HMX1: variants seen among roughly 807,000 people sequenced by gnomAD.
HMX1 encodes the protein homeobox protein HMX1.
Under a neutral mutation model 8.9 loss-of-function variants are expected in HMX1, and 8 were observed. The ratio of observed to expected loss-of-function variants is 0.90; its 90% CI spans 0.53 to 1.63. The LOEUF (loss-of-function observed/expected upper bound fraction) is 1.63, where lower values mean the gene tolerates loss of function less well. Among genes scored for constraint, HMX1 ranks in the 40% most tolerant of loss-of-function variants. HMX1 has a pLI of 0.00. For synonymous variants in HMX1, 311 were observed against 283.4 expected, an observed-to-expected ratio of 1.10 and a Z score of -0.98; for missense variants, 621 against 558.5, an observed-to-expected ratio of 1.11 and a Z score of -1.13.
chr4:8,851,527 G>A (rs1466189603), intron 1 of HMX1, among the ~76,000 whole-genome samples: 1 of 152,160 alleles, frequency 6.6e-6, no homozygotes, highest in East Asian at 1.9e-4. Context: ...GCCATCCAAG[G>A]GCCCTCTGTA....
rs1317011875 is a variant in HMX1 at position 8,868,361 on chromosome 4, G to A, written c.395-16C>T. On this transcript the variant is annotated splice_polypyrimidine_tract_variant and intron_variant, in intron 1 of 1. Transcript: ENST00000400677. The surrounding 1 kb of genome is among the most constrained non-coding windows in gnomAD (Gnocchi z 4.6). ...CGGTCGCTGGCTGCAGGGGAGAGAGGGCACCACCGTTGGTTCTAGGGCACT... is the reference window on the plus strand; with the variant it reads ...CGGTCGCTGGCTGCAGGGGAGAGAGAGCACCACCGTTGGTTCTAGGGCACT... 2.9e-6 allele frequency: 4 copies of A among 1,356,072 alleles called. No individual in the cohort carries two copies. The highest frequency in any genetic ancestry group is 3.1e-5 in the African/African-American group (2 of 65,150). 84.0% of individuals were successfully genotyped at this position (1,356,072 alleles called of 1,614,324 possible). A position where few individuals can be genotyped will look rare whatever the true frequency, so the allele number is the denominator to read the frequency against.
At chr4:8,863,520 C>T (rs963441905), downstream of HMX1, among the ~76,000 whole-genome samples, 1 of 152,232 alleles carries the variant, frequency 6.6e-6, no homozygotes, top group African/African-American at 2.4e-5. Context: ...GGGCACCCCT[C>T]CCCTGCACCT....
intron 1 of HMX1, among the ~76,000 whole-genome samples, chr4:8,854,420 G>A (rs1721547181): frequency 6.6e-6 from 1 of 152,260 alleles, no homozygotes; most frequent in Non-Finnish European, 1.5e-5. Flanking sequence ...GGACACTCCT[G>A]TGTGTTTATG....
chr4:8,871,116 G>A lies in HMX1; in HGVS notation c.394+105C>T, dbSNP rs1251826785. On this transcript the variant is annotated intron_variant, in intron 1 of 1. Coordinates refer to ENST00000400677, the MANE Select transcript of HMX1 (RefSeq NM_018942.3). The surrounding 1 kb of genome is among the most constrained non-coding windows in gnomAD (Gnocchi z 4.8). ...CAGACGCCGTTCCACAGAAGGGAGA[G>A]GATGGCCCAGAACGGGCGGCGACGA... 4.3e-6 allele frequency: 5 copies of A among 1,160,472 alleles called. No individual in the cohort carries two copies. The highest frequency in any genetic ancestry group is 9.0e-5 in the Admixed American group (2 of 22,284). 71.9% of individuals were successfully genotyped at this position (1,160,472 alleles called of 1,614,324 possible).
At chr4:8,857,093 A>C (rs1463849829) in intron 1 of HMX1, among the ~76,000 whole-genome samples, 1 of 152,216 alleles carries the variant, frequency 6.6e-6, no homozygotes, top group Non-Finnish European at 1.5e-5. Flanking sequence ...TAACAAACCG[A>C]AACTCTGGCT....
intron 1 of HMX1, among the ~76,000 whole-genome samples, chr4:8,854,706 A>G (rs187802168): frequency 3.9e-5 from 6 of 152,302 alleles, no homozygotes; most frequent in Admixed American, 2.0e-4. Context: ...CTCTCTGTCT[A>G]TCTAACTATT....
chr4:8,863,070 C>T (rs957272916), downstream of HMX1, among the ~76,000 whole-genome samples: 5 of 152,046 alleles, frequency 3.3e-5, no homozygotes, highest in Non-Finnish European at 7.4e-5. Flanking sequence ...CACTTCCCAG[C>T]GGGACCCTGG....
At chr4:8,865,861 A>G (rs1227607437), downstream of HMX1, among the ~76,000 whole-genome samples, 1 of 152,232 alleles carries the variant, frequency 6.6e-6, no homozygotes, top group Non-Finnish European at 1.5e-5. Context: ...CGCAGCCCCA[A>G]AGCAGCGAGG....
rs530886836 is a variant in HMX1 at position 8,853,442 on chromosome 4, T to C, written c.395-7118A>G. Among the ~76,000 whole-genome samples the C allele has an allele frequency of 1.7e-4, 26 of 152,310 alleles. No individual in the cohort carries two copies. The highest frequency in any genetic ancestry group is 5.8e-4 in the African/African-American group (24 of 41,560). Reference sequence around the variant, plus strand: ...ATGTTGCCCGCTGCACATCTCATGCTCACTGGTCAGAACCACATCATGTGA... The same window carrying C: ...ATGTTGCCCGCTGCACATCTCATGCCCACTGGTCAGAACCACATCATGTGA... On this transcript the variant is annotated intron_variant, in intron 1 of 1. Coordinates refer to the HMX1 transcript ENST00000506970. The surrounding 1 kb of genome is among the most constrained non-coding windows in gnomAD (Gnocchi z 4.7).
rs1332685222 is a variant in HMX1, at chr4:8,867,374, G to A, written c.*319C>T. The A allele has an allele frequency of 2.9e-6, 3 of 1,041,170 alleles. No homozygotes were observed. The highest frequency in any genetic ancestry group is 3.5e-6 in the Non-Finnish European group (3 of 866,982). 64.5% of individuals were successfully genotyped at this position (1,041,170 alleles called of 1,614,324 possible). A position where few individuals can be genotyped will look rare whatever the true frequency, so the allele number is the denominator to read the frequency against. On this transcript the variant is annotated 3_prime_UTR_variant, in exon 2 of 2. Coordinates refer to ENST00000400677, the MANE Select transcript of HMX1 (RefSeq NM_018942.3). ...CTTGGCCTGAGGGCAGCTGCCCCGG[G>A]TGGCCATGGCCGACCGCTCCTCGCT...
At chr4:8,851,836 C>T (rs1304674014) in intron 1 of HMX1, among the ~76,000 whole-genome samples, 1 of 152,258 alleles carries the variant, frequency 6.6e-6, no homozygotes, top group Non-Finnish European at 1.5e-5. Flanking sequence ...CCATCATTCC[C>T]ACCAGCAGCC....
At position 8,871,353 on chromosome 4, in the gene HMX1, C is replaced by T. The variant is rs952845659; in HGVS notation, c.262G>A (p.Gly88Arg). ...GGEARARALL[G>R]PGALGLGPRP... ...GGACCGAGGCCCAGCGCGCCCGGCC[C>T]GAGCAGCGCACGGGCCCGCGCCTCC... Residue 88 changes from glycine (G) to arginine (R), a missense_variant, in exon 1 of 2, where the codon GGG becomes AGG. Gly to Arg is a moderately radical substitution (Grantham distance 125, BLOSUM62 -2). Coordinates refer to ENST00000400677, the MANE Select transcript of HMX1 (RefSeq NM_018942.3). This position sits in a 1 kb window ranked among gnomAD's most constrained non-coding sequence, Gnocchi z 4.8. The T allele has an allele frequency of 1.6e-6, 2 of 1,256,234 alleles. No individual in the cohort carries two copies. The highest frequency in any genetic ancestry group is 8.9e-5 in the Admixed American group (2 of 22,444). The allele number at this position is 1,256,234 out of a possible 1,614,324, so 77.8% of individuals were successfully genotyped here.
intron 1 of HMX1, among the ~76,000 whole-genome samples, chr4:8,854,409 G>A (rs959865449): frequency 6.6e-6 from 1 of 152,322 alleles, no homozygotes; most frequent in Middle Eastern, 3.4e-3. Context: ...TATCACTGCT[G>A]GGACACTCCT....
At chr4:8,862,537 T>C (rs1452363145), downstream of HMX1, among the ~76,000 whole-genome samples, 2 of 152,232 alleles carry the variant, frequency 1.3e-5, no homozygotes, top group African/African-American at 4.8e-5. Flanking sequence ...TTTGTTGCCT[T>C]ATTATAAAGC....
chr4:8,851,293 T>C (rs1452282303), intron 1 of HMX1, among the ~76,000 whole-genome samples: 2 of 152,208 alleles, frequency 1.3e-5, no homozygotes, highest in African/African-American at 2.4e-5. Flanking sequence ...CCAGGCTTTC[T>C]TTCCCACAGG....
Position 8,867,492 on chromosome 4 carries a change from G to A in HMX1, c.*201C>T. 1 of 1,170,466 alleles carries A rather than the reference G, an allele frequency of 8.5e-7. No homozygotes were observed. Among genetic ancestry groups the A allele is most frequent in the Non-Finnish European group, 1.1e-6 (1 of 949,178 alleles). 72.5% of individuals were successfully genotyped at this position (1,170,466 alleles called of 1,614,324 possible). A position where few individuals can be genotyped will look rare whatever the true frequency, so the allele number is the denominator to read the frequency against. On this transcript the variant is annotated 3_prime_UTR_variant, in exon 2 of 2. Transcript: ENST00000400677. Reference sequence around the variant, plus strand: ...AGTGGGGATCCAGCCTGGCAAATGGGTGGGGCGTCCCATTACATTCTAGAG... The same window carrying A: ...AGTGGGGATCCAGCCTGGCAAATGGATGGGGCGTCCCATTACATTCTAGAG...
rs867988447 is a variant in HMX1 at position 8,871,479 on chromosome 4, C to T, written c.136G>A (p.Glu46Lys). 3 of 1,341,490 alleles carry T rather than the reference C, an allele frequency of 2.2e-6. No homozygotes were observed. Among genetic ancestry groups the T allele is most frequent in the East Asian group, 3.2e-5 (1 of 30,996 alleles). 83.1% of individuals were successfully genotyped at this position (1,341,490 alleles called of 1,614,324 possible). ...TCTTCGGGGTCGTCGTCGTCCTCCTCCTCGTCCTCCCGGCTGCCGTCGCCC... is the reference window on the plus strand; with the variant it reads ...TCTTCGGGGTCGTCGTCGTCCTCCTTCTCGTCCTCCCGGCTGCCGTCGCCC... ...TQGDGSREDE[E>K]EDDDDPEDED... The change falls in exon 1 of 2, where the codon GAG (glutamate) becomes AAG (lysine). Residue 46 changes from glutamate to lysine, a missense_variant. Transcript: ENST00000400677. The surrounding 1 kb of genome is among the most constrained non-coding windows in gnomAD (Gnocchi z 4.8).
chr4:8,846,323 G>A, exon 2 of HMX1: 1 of 1,534,014 alleles, frequency 6.5e-7, no homozygotes, highest in East Asian at 2.4e-5. Flanking sequence ...TCTTCTGTGT[G>A]CCTGCAGGGG....
chr4:8,860,978 A>C (rs867078152), intron 1 of HMX1, among the ~76,000 whole-genome samples: 9,627 of 31,244 alleles, frequency 0.31, 954 homozygotes, highest in African/African-American at 0.49. Flanking sequence ...AGGGCGGGGG[A>C]GGGGGCGGGG....
Sources: gnomAD v4.1 joint callset for allele counts (sites outside exome capture counted in the v4.1 genomes callset) on GRCh38, gnomAD v4.1.1 for gene constraint, Gnocchi (gnomAD v3.1) non-coding constraint, MANE v1.5 for transcripts, NCBI Gene and HGNC (gene_info 2026-07-23, HGNC 2026-07-21) for gene names.